FRMD4A: variants seen among roughly 807,000 people sequenced by gnomAD.
The protein encoded by FRMD4A is FERM domain containing 4A.
In FRMD4A, 29 loss-of-function variants were observed where a neutral mutation model predicts 129.1. That is an observed-to-expected ratio of 0.22 (90% CI 0.17 to 0.31). The LOEUF (loss-of-function observed/expected upper bound fraction) is 0.31, where lower values mean the gene tolerates loss of function less well. Among genes scored for constraint, FRMD4A ranks in the 10% least tolerant of loss-of-function variants. FRMD4A has a pLI of 1.00. For synonymous variants in FRMD4A, 634 were observed against 571.6 expected, an observed-to-expected ratio of 1.11 and a Z score of -1.56; for missense variants, 1,272 against 1,375.8, an observed-to-expected ratio of 0.92 and a Z score of 1.19.
chr10:13,791,932 T>C (rs1030857157), intron 5 of FRMD4A, among the ~76,000 whole-genome samples: 7 of 152,330 alleles, frequency 4.6e-5, no homozygotes, highest in African/African-American at 1.7e-4. Flanking sequence ...CAGTGTCAGA[T>C]AATGCAGAAA....
chr10:14,103,082 C>T (rs1398229104), intron 2 of FRMD4A, among the ~76,000 whole-genome samples: 2 of 152,130 alleles, frequency 1.3e-5, no homozygotes, highest in East Asian at 1.9e-4. Flanking sequence ...ACGTGGGTGT[C>T]GTTCCTATCT....
intron 2 of FRMD4A, among the ~76,000 whole-genome samples, chr10:14,133,322 C>A (rs1216335415): frequency 6.6e-6 from 1 of 152,144 alleles, no homozygotes; most frequent in Non-Finnish European, 1.5e-5. Flanking sequence ...TTTTAAGCAC[C>A]AAAGCGATGT....
intron 2 of FRMD4A, chr10:14,326,587 A>G: frequency 5.5e-6 from 2 of 362,364 alleles, no homozygotes; most frequent in Non-Finnish European, 9.8e-6. Context: ...TCCATTAAAA[A>G]CTATTTTAAT....
intron 6 of FRMD4A, among the ~76,000 whole-genome samples, chr10:13,780,490 A>T (rs1290548270): frequency 3.3e-5 from 5 of 152,190 alleles, no homozygotes; most frequent in African/African-American, 9.7e-5. Context: ...GATACAGGAC[A>T]AGGGGCTGTC....
At chr10:13,682,489 CTTTCTTTCTTTT>C (rs1394886812) in intron 15 of FRMD4A, among the ~76,000 whole-genome samples, 2 of 131,250 alleles carry the variant, frequency 1.5e-5, no homozygotes, top group Non-Finnish European at 3.2e-5. Flanking sequence ...TTCCCATTTT[CTTTCTTTCTTTT>C]TTTTTTTTTT....
chr10:14,195,393 G>A (rs1469329502), intron 2 of FRMD4A, among the ~76,000 whole-genome samples: 7 of 150,808 alleles, frequency 4.6e-5, no homozygotes, highest in African/African-American at 1.7e-4. Context: ...ATATCTTTCT[G>A]ACAAAAGTAA....
chr10:14,003,511 C>G (rs2095650344), intron 2 of FRMD4A: 1 of 152,238 alleles, frequency 6.6e-6, no homozygotes. Flanking sequence ...GGAAATTATG[C>G]TCCCACTTCA....
At chr10:14,021,546 G>C (rs1832751676) in intron 2 of FRMD4A, among the ~76,000 whole-genome samples, 1 of 151,948 alleles carries the variant, frequency 6.6e-6, no homozygotes, top group Non-Finnish European at 1.5e-5. Flanking sequence ...GATAGAGGGA[G>C]ACCCTGACTC....
intron 3 of FRMD4A, among the ~76,000 whole-genome samples, chr10:13,857,490 CCTTTTT>C (rs2131033536): frequency 6.6e-6 from 1 of 151,214 alleles, no homozygotes; most frequent in Admixed American, 6.6e-5. Context: ...TGCTTATGAG[CCTTTTT>C]CCTATTTTCT....
chr10:14,273,022 C>T (rs1270397657), intron 2 of FRMD4A, among the ~76,000 whole-genome samples: 1 of 151,494 alleles, frequency 6.6e-6, no homozygotes, highest in Non-Finnish European at 1.5e-5. Context: ...TCAAGACCAG[C>T]CTGAGCAACA....
intron 6 of FRMD4A, among the ~76,000 whole-genome samples, chr10:13,774,778 C>T (rs902126960): frequency 2.4e-4 from 37 of 151,630 alleles, no homozygotes; most frequent in African/African-American, 6.8e-4. Context: ...AAGCCTCGTA[C>T]AGGAAAGAGA....
At chr10:13,655,730 C>G (rs985021920) in intron 22 of FRMD4A, 1 of 152,244 alleles carries the variant, frequency 6.6e-6, no homozygotes, top group Non-Finnish European at 1.5e-5. Context: ...ATTCCTGACT[C>G]AGAGTTCCTC....
rs148041954 is a variant in FRMD4A, at chr10:14,033,104, C to G, written c.46-174192G>C. On this transcript the variant is annotated intron_variant, in intron 2 of 24. Transcript: ENST00000357447. ...GGCGGATCACCTGAGGTCAGGAGTT[C>G]GAGATCAGCCTGGCCAACATGGTGA... is the stretch of plus-strand genomic sequence containing the variant. 2.2e-3 allele frequency among the ~76,000 whole-genome samples: 328 copies of G among 152,190 alleles called. 1 individual carries two copies. The highest frequency in any genetic ancestry group is 7.5e-3 in the African/African-American group (312 of 41,542).
At chr10:13,847,586 G>A (rs559669989) in intron 3 of FRMD4A, among the ~76,000 whole-genome samples, 34 of 150,904 alleles carry the variant, frequency 2.3e-4, no homozygotes, top group Non-Finnish European at 4.4e-4. Context: ...GAGGCTGCCA[G>A]ATGAGTAAAT....
intron 2 of FRMD4A, among the ~76,000 whole-genome samples, chr10:14,177,513 A>T (rs964687892): frequency 5.9e-5 from 9 of 151,790 alleles, no homozygotes; most frequent in Admixed American, 2.0e-4. Flanking sequence ...CCTTGATATT[A>T]AAAAAAATAT....
chr10:13,698,051 G>C (rs150685431), intron 14 of FRMD4A, among the ~76,000 whole-genome samples: 8 of 144,700 alleles, frequency 5.5e-5, no homozygotes, highest in Non-Finnish European at 1.1e-4. Flanking sequence ...TTAGATCGTA[G>C]AATGGTTTCT....
At position 13,651,895 on chromosome 10, in the gene FRMD4A, T is replaced by TA. The variant is rs1474245883; in HGVS notation, c.*2+7dup. ...TGGGCAGTAGGAACAAAACTCCCCT[T>TA]ACGGTACCTCTATTCATCAGTACTT... On this transcript the variant is annotated splice_region_variant and intron_variant, in intron 24 of 24. Coordinates refer to ENST00000357447, the MANE Select transcript of FRMD4A (RefSeq NM_018027.5). The TA allele has an allele frequency of 7.4e-6, 11 of 1,477,378 alleles. No homozygotes were observed. Among genetic ancestry groups the TA allele is most frequent in the Non-Finnish European group, 1.0e-5 (11 of 1,054,794 alleles). 91.5% of individuals were successfully genotyped at this position (1,477,378 alleles called of 1,614,324 possible).
At chr10:13,970,899 CA>C (rs1476245028) in intron 2 of FRMD4A, among the ~76,000 whole-genome samples, 1 of 152,244 alleles carries the variant, frequency 6.6e-6, no homozygotes, top group East Asian at 1.9e-4. Flanking sequence ...CACTCTCCCT[CA>C]GGAAAGTTTC....
At chr10:14,112,013 T>TGGGA (rs1432138563) in intron 2 of FRMD4A, among the ~76,000 whole-genome samples, 1 of 14,044 alleles carries the variant, frequency 7.1e-5, no homozygotes, top group Non-Finnish European at 1.4e-4. Flanking sequence ...GAAGGAAGGG[T>TGGGA]GGGAGGGAGG....
Sources: gnomAD v4.1 joint callset for allele counts (sites outside exome capture counted in the v4.1 genomes callset) on GRCh38, gnomAD v4.1.1 for gene constraint, MANE v1.5 for transcripts, NCBI Gene and HGNC (gene_info 2026-07-23, HGNC 2026-07-21) for gene names.